CAPN2: variants seen among roughly 807,000 people sequenced by gnomAD.
CAPN2 encodes the protein calpain 2.
CAPN2 carries 92 observed loss-of-function variants against 102.3 expected under a neutral mutation model. That is an observed-to-expected ratio of 0.90 (90% CI 0.76 to 1.07). The LOEUF (loss-of-function observed/expected upper bound fraction) is 1.07. Ranked by LOEUF, CAPN2 falls within the 50% of genes least tolerant of loss-of-function variation. The pLI, the probability that CAPN2 is intolerant of heterozygous loss-of-function variation, is 0.00. For missense variants in CAPN2, 800 were observed against 909.4 expected (o/e 0.88, Z 1.55); for synonymous variants, 340 against 355.4 (o/e 0.96, Z 0.49).
intron 13 of CAPN2, among the ~76,000 whole-genome samples, 173 bp from the exon 14 acceptor site, chr1:223,762,013 C>A (rs1558076425): frequency 7.8e-6 from 1 of 128,254 alleles, no homozygotes; most frequent in Non-Finnish European, 1.5e-5. Context: ...AAAAAAAAAA[C>A]CTTATATTAA....
chr1:223,766,417 G>A lies in CAPN2; in HGVS notation c.1741G>A (p.Val581Ile), dbSNP rs1278582082. The change falls in exon 16 of 21, where the codon GTT (valine) becomes ATT (isoleucine). Residue 581 changes from valine to isoleucine, a missense_variant. Coordinates refer to ENST00000295006, the MANE Select transcript of CAPN2 (RefSeq NM_001748.5). ...CAGCATCGAGACATGCAAAATTATG[G>A]TTGACATGCTAGATGTATCCTTTAA... is the stretch of plus-strand genomic sequence containing the variant. ...GFSIETCKIM[V>I]DMLDSDGSGK... is the part of the protein sequence containing the mutation. 1 of 1,612,854 alleles carries A rather than the reference G, an allele frequency of 6.2e-7. No individual in the cohort carries two copies. Among genetic ancestry groups the A allele is most frequent in the East Asian group, 2.2e-5 (1 of 44,898 alleles).
intron 2 of CAPN2, among the ~76,000 whole-genome samples, chr1:223,737,920 C>T (rs1338418858): frequency 1.3e-5 from 2 of 151,964 alleles, no homozygotes; most frequent in East Asian, 3.9e-4. Flanking sequence ...TCTCACTGTG[C>T]CCCCAGGGGA....
chr1:223,715,583 C>T (rs546771352), intron 1 of CAPN2, among the ~76,000 whole-genome samples: 10 of 152,202 alleles, frequency 6.6e-5, no homozygotes, highest in African/African-American at 2.4e-4. Context: ...AGAGTGGCTC[C>T]AGTGCCTGGA....
At chr1:223,732,241 CAAGA>C (rs1371357135) in intron 2 of CAPN2, among the ~76,000 whole-genome samples, 1 of 151,942 alleles carries the variant, frequency 6.6e-6, no homozygotes, top group Non-Finnish European at 1.5e-5. Flanking sequence ...GGATCCCGCT[CAAGA>C]AAGAATTCAG....
Position 223,774,935 on chromosome 1 carries a change from G to A in CAPN2, c.*78G>A. Reference sequence around the variant, plus strand: ...CTAAGCTTCCATAGAAATACACTTTGTATCTGGACCTCAAAATTATGGGAA... The same window carrying A: ...CTAAGCTTCCATAGAAATACACTTTATATCTGGACCTCAAAATTATGGGAA... On this transcript the variant is annotated 3_prime_UTR_variant, in exon 21 of 21. Transcript: ENST00000295006. The A allele has an allele frequency of 8.3e-7, 1 of 1,197,946 alleles. No individual in the cohort carries two copies. The highest frequency in any genetic ancestry group is 1.2e-6 in the Non-Finnish European group (1 of 816,508). 74.2% of individuals were successfully genotyped at this position (1,197,946 alleles called of 1,614,324 possible).
At chr1:223,753,341 C>T (rs915763346) in intron 9 of CAPN2, among the ~76,000 whole-genome samples, 1 of 152,192 alleles carries the variant, frequency 6.6e-6, no homozygotes, top group African/African-American at 2.4e-5. Context: ...CCCAGGCAGC[C>T]GAGCCTACAA....
At chr1:223,705,217 AAGAGGCAAGAC>A (rs1659576376) in intron 1 of CAPN2, among the ~76,000 whole-genome samples, 2 of 152,248 alleles carry the variant, frequency 1.3e-5, no homozygotes, top group African/African-American at 4.8e-5. Flanking sequence ...TAACAAAACA[AAGAGGCAAGAC>A]AGAGCCAAAT....
chr1:223,762,468 G>A (rs1397839413), intron 14 of CAPN2, among the ~76,000 whole-genome samples: 1 of 152,166 alleles, frequency 6.6e-6, no homozygotes, highest in Non-Finnish European at 1.5e-5. Flanking sequence ...TGCATGGTCA[G>A]CCCTGACTCT....
chr1:223,721,670 C>T (rs1660054636), intron 2 of CAPN2, among the ~76,000 whole-genome samples: 1 of 152,188 alleles, frequency 6.6e-6, no homozygotes, highest in Non-Finnish European at 1.5e-5. Flanking sequence ...CAGGGTGCCC[C>T]ACCCCACAGC....
intron 1 of CAPN2, 44 bp downstream of exon 1, chr1:223,712,921 C>T: frequency 7.0e-7 from 1 of 1,423,814 alleles, no homozygotes; most frequent in East Asian, 3.1e-5. Context: ...GGGTGCCGGG[C>T]AGGGCGGGGT....
Position 223,755,141 on chromosome 1 carries a change from C to T in CAPN2, c.1136-339C>T, listed in dbSNP as rs1440143401. On this transcript the variant is annotated intron_variant, in intron 9 of 20. Transcript: ENST00000295006. This position sits in a 1 kb window ranked among gnomAD's most constrained non-coding sequence, Gnocchi z 4.1. The stretch of plus-strand genomic sequence containing the variant: ...CTCCAACCCTGGTGTCTCCCACCTC[C>T]TAGCCTCTCCCAACATCGCCTGCCG... Among the ~76,000 whole-genome samples, 1 of 152,118 alleles carries T rather than the reference C, an allele frequency of 6.6e-6. No individual in the cohort carries two copies. Among genetic ancestry groups the T allele is most frequent in the Non-Finnish European group, 1.5e-5 (1 of 67,978 alleles).
At position 223,712,559 on chromosome 1, in the gene CAPN2, GGGC is replaced by G; in HGVS notation, c.-81_-79del. 1 of 1,322,084 alleles carries G rather than the reference GGGC, an allele frequency of 7.6e-7. No individual in the cohort carries two copies. The highest frequency in any genetic ancestry group is 9.6e-7 in the Non-Finnish European group (1 of 1,040,170). 81.9% of individuals were successfully genotyped at this position (1,322,084 alleles called of 1,614,324 possible). ...CCCGCAGTGGCCGCAGCAGCGCGCC[GGGC>G]CCTGGCCGCGCCCCAGCCGAGCGCA... On this transcript the variant is annotated 5_prime_UTR_variant, in exon 1 of 21. Transcript: ENST00000295006.
chr1:223,749,888 T>C (rs1660843381), intron 6 of CAPN2, among the ~76,000 whole-genome samples: 1 of 152,020 alleles, frequency 6.6e-6, no homozygotes. Flanking sequence ...CATGCCACTG[T>C]CGTCCCAGCT....
At chr1:223,740,415 C>T (rs1571798251) in intron 2 of CAPN2, among the ~76,000 whole-genome samples, 1 of 152,324 alleles carries the variant, frequency 6.6e-6, no homozygotes, top group East Asian at 1.9e-4. Context: ...GACGCGTCCA[C>T]CCTACTGCTG....
upstream of CAPN2, among the ~76,000 whole-genome samples, chr1:223,709,171 C>G (rs967274769): frequency 6.6e-6 from 1 of 151,992 alleles, no homozygotes. Flanking sequence ...CTTGTTCAGG[C>G]TTGGGGGCAA....
chr1:223,728,495 C>T (rs575114474), intron 2 of CAPN2, among the ~76,000 whole-genome samples: 1 of 152,154 alleles, frequency 6.6e-6, no homozygotes, highest in Non-Finnish European at 1.5e-5. Flanking sequence ...CTGCCATATC[C>T]TATTCATTGA....
intron 5 of CAPN2, 36 bp from the exon 6 acceptor site, chr1:223,749,003 C>A (rs994115934): frequency 9.5e-6 from 15 of 1,574,312 alleles, no homozygotes; most frequent in East Asian, 6.7e-5. Flanking sequence ...GAAGGGAGAG[C>A]GGGTGCGGCC....
chr1:223,718,993 A>C (rs571553961), intron 2 of CAPN2, among the ~76,000 whole-genome samples: 2 of 151,210 alleles, frequency 1.3e-5, no homozygotes, highest in Admixed American at 6.6e-5. Flanking sequence ...GTGAATCATT[A>C]GGACAGACAG....
chr1:223,709,326 C>T (rs1039838234), upstream of CAPN2, among the ~76,000 whole-genome samples: 7 of 152,180 alleles, frequency 4.6e-5, no homozygotes, highest in African/African-American at 1.7e-4. Flanking sequence ...GAAAAGGTAA[C>T]ATCATGGCTC....
Sources: gnomAD v4.1 joint callset for allele counts (sites outside exome capture counted in the v4.1 genomes callset) on GRCh38, gnomAD v4.1.1 for gene constraint, Gnocchi (gnomAD v3.1) non-coding constraint, MANE v1.5 for transcripts, NCBI Gene and HGNC (gene_info 2026-07-23, HGNC 2026-07-21) for gene names.